Variants in ENPEP observed in about 807,000 individuals in gnomAD.
ENPEP encodes AP-A.
In ENPEP, 103 loss-of-function variants were observed where a neutral mutation model predicts 114.5. The observed-to-expected ratio is 0.90, with a 90% CI of 0.77 to 1.06. The LOEUF (loss-of-function observed/expected upper bound fraction) is 1.06. ENPEP is among the 50% of genes least tolerant of loss of function. ENPEP has a pLI of 0.00. For missense variants in ENPEP, 1,196 were observed against 1,161.3 expected (o/e 1.03, Z -0.43); for synonymous variants, 420 against 422.0 (o/e 1.00, Z 0.06).
intron 6 of ENPEP, among the ~76,000 whole-genome samples, chr4:110,512,224 T>C (rs1019790587): frequency 5.9e-5 from 9 of 152,214 alleles, no homozygotes; most frequent in African/African-American, 2.2e-4. Context: ...ACCACAATCA[T>C]GGAATACCTC....
At chr4:110,491,462 G>A (rs1334495306) in intron 3 of ENPEP, among the ~76,000 whole-genome samples, 1 of 151,818 alleles carries the variant, frequency 6.6e-6, no homozygotes, top group East Asian at 1.9e-4. Flanking sequence ...AAAATGTTTG[G>A]GTATGCCCAA....
At chr4:110,502,972 G>A (rs1490626641) in intron 3 of ENPEP, among the ~76,000 whole-genome samples, 2 of 151,932 alleles carry the variant, frequency 1.3e-5, no homozygotes, top group East Asian at 1.9e-4. Context: ...TGTTACATAT[G>A]TATACATGTG....
intron 10 of ENPEP, among the ~76,000 whole-genome samples, chr4:110,525,873 G>A (rs755007333): frequency 6.6e-6 from 1 of 152,186 alleles, no homozygotes; most frequent in Non-Finnish European, 1.5e-5. Context: ...GGAGAGGGAA[G>A]CAGGAGGTGG....
chr4:110,559,780 T>C, intron 19 of ENPEP, 55 bp downstream of exon 19: 1 of 1,444,920 alleles, frequency 6.9e-7, no homozygotes, highest in Non-Finnish European at 9.6e-7. Flanking sequence ...TGAAACTTTT[T>C]TAAAAAAAAT....
At position 110,523,885 on chromosome 4, in the gene ENPEP, G is replaced by A. The variant is rs940550335; in HGVS notation, c.1727+3519G>A. Among the ~76,000 whole-genome samples, 8 of 152,104 alleles carry A rather than the reference G, an allele frequency of 5.3e-5. No individual in the cohort carries two copies. In the East Asian group the frequency reaches 1.5e-3, roughly 29 times the overall value. On this transcript the variant is annotated intron_variant, in intron 10 of 19. Transcript: ENST00000265162. ...AAAATGCTCCTGATGGGAGTATTAC[G>A]TGGAAATGAGCAAATACTACGTTTT... is the stretch of plus-strand genomic sequence containing the variant.
intron 4 of ENPEP, 89 bp from the exon 5 acceptor site, chr4:110,509,564 A>G (rs1351843873): frequency 3.4e-6 from 5 of 1,474,890 alleles, no homozygotes; most frequent in Non-Finnish European, 4.5e-6. Context: ...CTTTTAAAAA[A>G]CATTCATCCA....
chr4:110,516,960 T>C (rs537372650), intron 8 of ENPEP, among the ~76,000 whole-genome samples: 3 of 152,226 alleles, frequency 2.0e-5, no homozygotes, highest in East Asian at 1.9e-4. Flanking sequence ...ATTATTGTTA[T>C]TGAGACAGAG....
At chr4:110,559,266 T>A in intron 18 of ENPEP, 1 of 162,418 alleles carries the variant, frequency 6.2e-6, no homozygotes, top group Non-Finnish European at 1.3e-5. Flanking sequence ...GCAAGGAAGC[T>A]GCAGCTGAAC....
At chr4:110,534,907 G>T (rs187059387) in intron 11 of ENPEP, among the ~76,000 whole-genome samples, 1 of 151,998 alleles carries the variant, frequency 6.6e-6, no homozygotes, top group Non-Finnish European at 1.5e-5. Context: ...AAGGTGCTAC[G>T]TACATTCTGA....
chr4:110,553,797 G>T (rs929960290), intron 18 of ENPEP, among the ~76,000 whole-genome samples: 2 of 151,954 alleles, frequency 1.3e-5, no homozygotes, highest in African/African-American at 4.8e-5. Context: ...CTCAATTAAT[G>T]TTTGATTAAA....
intron 4 of ENPEP, 68 bp from the exon 5 acceptor site, chr4:110,509,585 T>C: frequency 1.3e-6 from 2 of 1,528,154 alleles, no homozygotes; most frequent in Non-Finnish European, 1.8e-6. Context: ...AATAACTTAA[T>C]TTGGTAAGAA....
At chr4:110,504,619 T>C (rs958455778) in intron 3 of ENPEP, among the ~76,000 whole-genome samples, 6 of 152,138 alleles carry the variant, frequency 3.9e-5, no homozygotes, top group African/African-American at 1.4e-4. Context: ...ACAGAGCATA[T>C]TTCTATGGAC....
At chr4:110,504,692 A>G (rs1174957420) in intron 3 of ENPEP, among the ~76,000 whole-genome samples, 2 of 152,230 alleles carry the variant, frequency 1.3e-5, no homozygotes, top group East Asian at 3.8e-4. Flanking sequence ...TTACATTAAC[A>G]TCAATCTTCT....
chr4:110,552,202 G>A (rs766866050), intron 17 of ENPEP, among the ~76,000 whole-genome samples: 24 of 152,190 alleles, frequency 1.6e-4, no homozygotes, highest in Non-Finnish European at 3.2e-4. Context: ...CCTTGCCTAC[G>A]ATGTACTGTC....
chr4:110,561,188 T>C (rs1727664386), intron 19 of ENPEP, among the ~76,000 whole-genome samples: 2 of 152,192 alleles, frequency 1.3e-5, no homozygotes. Context: ...AGAGCCTATT[T>C]TGGCTTGACA....
chr4:110,479,375 A>T (rs1355225857), intron 1 of ENPEP, among the ~76,000 whole-genome samples: 1 of 152,188 alleles, frequency 6.6e-6, no homozygotes, highest in South Asian at 2.1e-4. Flanking sequence ...GCATCCTTAT[A>T]TTGACTATCC....
intron 3 of ENPEP, among the ~76,000 whole-genome samples, chr4:110,496,988 C>A (rs1454554654): frequency 6.6e-6 from 1 of 152,232 alleles, no homozygotes; most frequent in African/African-American, 2.4e-5. Flanking sequence ...TTAAGCTCTA[C>A]TTCCTGGAGG....
intron 19 of ENPEP, 131 bp downstream of exon 19, chr4:110,559,856 A>G (rs1727620609): frequency 1.4e-6 from 1 of 695,422 alleles, no homozygotes; most frequent in East Asian, 2.8e-5. Context: ...TACACGTGCC[A>G]TGGTGGTTTG....
chr4:110,531,149 T>G (rs765551819), intron 10 of ENPEP, 49 bp from the exon 11 acceptor site: 1 of 1,171,246 alleles, frequency 8.5e-7, no homozygotes, highest in South Asian at 1.7e-5. Context: ...TCTTGAAATT[T>G]TATCTTTTAG....
Sources: allele counts gnomAD v4.1 joint callset (sites outside exome capture counted in the v4.1 genomes callset), GRCh38; gene constraint gnomAD v4.1.1; transcripts MANE v1.5; gene names NCBI Gene and HGNC (gene_info 2026-07-23, HGNC 2026-07-21).